The following ESR1 variants were observed in gnomAD, a reference collection of about 807,000 sequenced individuals.
The protein encoded by ESR1 is estrogen receptor.
Under a neutral mutation model 52.7 loss-of-function variants are expected in ESR1, and 12 were observed. The ratio of observed to expected loss-of-function variants is 0.23; its 90% CI spans 0.15 to 0.37. The LOEUF is 0.37. Ranked by LOEUF, ESR1 falls within the 10% of genes least tolerant of loss-of-function variation. ESR1 has a pLI of 1.00. For synonymous variants in ESR1, 305 were observed against 316.8 expected (o/e 0.96, Z 0.39); for missense variants, 584 against 779.7 (o/e 0.75, Z 2.99).
chr6:151,957,457 G>A (rs1218522856), intron 4 of ESR1, among the ~76,000 whole-genome samples: 1 of 152,022 alleles, frequency 6.6e-6, no homozygotes, highest in Non-Finnish European at 1.5e-5. Context: ...TTTGTGATCT[G>A]CCTCCATGCT....
rs116336128 is a variant in ESR1, at chr6:151,753,191, C to T, written c.-71+51186C>T. 7.6e-3 allele frequency among the ~76,000 whole-genome samples: 1,153 copies of T among 152,254 alleles called. 14 individuals are homozygous for T. The highest frequency in any genetic ancestry group is 0.018 in the East Asian group (92 of 5,180). On this transcript the variant is annotated intron_variant, in intron 2 of 2. Coordinates refer to the ESR1 transcript ENST00000404742. Reference sequence around the variant, plus strand: ...GATTATGGTATCCTGCCAAAAAGATCCTACAAACTGTCACTATTTTGGTTT... The same window carrying T: ...GATTATGGTATCCTGCCAAAAAGATTCTACAAACTGTCACTATTTTGGTTT...
intron 7 of ESR1, chr6:152,096,559 G>A: frequency 4.5e-6 from 2 of 446,452 alleles, no homozygotes; most frequent in South Asian, 1.6e-5. Context: ...AAGAAATGAG[G>A]GAATGAATGG....
intron 2 of ESR1, among the ~76,000 whole-genome samples, chr6:151,746,121 A>G (rs558046135): frequency 6.6e-6 from 1 of 152,298 alleles, no homozygotes; most frequent in Admixed American, 6.5e-5. Context: ...CTGTTGGTAG[A>G]CATTTGTGTT....
chr6:151,673,106 A>G (rs924319422), intron 1 of ESR1, among the ~76,000 whole-genome samples: 22 of 151,996 alleles, frequency 1.4e-4, no homozygotes, highest in Non-Finnish European at 2.9e-5. Flanking sequence ...GATTACAGGC[A>G]TGAGCCACGG....
At chr6:152,047,956 ATTTTTTTTTT>A (rs71017517) in intron 5 of ESR1, among the ~76,000 whole-genome samples, 16 of 67,776 alleles carry the variant, frequency 2.4e-4, no homozygotes, top group Non-Finnish European at 3.1e-4. Flanking sequence ...CTCCTCAAGC[ATTTTTTTTTT>A]TTTTTTTTTT....
chr6:152,092,091 C>T (rs1316042390), intron 6 of ESR1, among the ~76,000 whole-genome samples: 1 of 152,162 alleles, frequency 6.6e-6, no homozygotes, highest in Non-Finnish European at 1.5e-5. Context: ...CCAGCTCACA[C>T]CCTCTGCTAT....
chr6:151,715,888 T>C lies in ESR1; in HGVS notation c.-71+13883T>C, dbSNP rs111993351. Among the ~76,000 whole-genome samples the C allele has an allele frequency of 9.0e-3, 1,373 of 152,168 alleles. 14 individuals carry two copies. Among genetic ancestry groups the C allele is most frequent in the Non-Finnish European group, 0.014 (939 of 67,994 alleles). ...ATTTTGTTCCCTTGCTGGCAAGGAG[T>C]TGTGATCCTTTGGAGGAGAAGAGGT... is the stretch of plus-strand genomic sequence containing the variant. On this transcript the variant is annotated intron_variant, in intron 2 of 2. Coordinates refer to the ESR1 transcript ENST00000404742.
At chr6:151,765,552 T>C (rs1784984408) in intron 2 of ESR1, among the ~76,000 whole-genome samples, 1 of 152,198 alleles carries the variant, frequency 6.6e-6, no homozygotes, top group Non-Finnish European at 1.5e-5. Context: ...TTTTTTTTCC[T>C]ATAGCTAATT....
intron 2 of ESR1, among the ~76,000 whole-genome samples, chr6:151,844,602 G>A (rs527513902): frequency 6.6e-6 from 1 of 152,328 alleles, no homozygotes; most frequent in African/African-American, 2.4e-5. Flanking sequence ...ACATGGAAGT[G>A]ATTATGTGCT....
chr6:151,760,982 C>A (rs973303002), intron 2 of ESR1, among the ~76,000 whole-genome samples: 11 of 152,108 alleles, frequency 7.2e-5, no homozygotes, highest in Admixed American at 7.2e-4. Context: ...TTTCAGTACA[C>A]ATTTCATGGA....
chr6:151,830,119 T>C (rs894626045), intron 1 of ESR1, among the ~76,000 whole-genome samples: 1 of 152,124 alleles, frequency 6.6e-6, no homozygotes, highest in East Asian at 1.9e-4. Context: ...TGTAAGCAGG[T>C]GGGTTTTCAT....
upstream of ESR1, chr6:151,805,640 G>A (rs931807551): frequency 6.6e-6 from 1 of 152,628 alleles, no homozygotes; most frequent in Non-Finnish European, 1.5e-5. Context: ...CCTGCCTACT[G>A]GCTGCTTCCC....
chr6:151,777,112 T>C (rs567568102), intron 2 of ESR1, among the ~76,000 whole-genome samples: 3 of 145,210 alleles, frequency 2.1e-5, no homozygotes, highest in Admixed American at 6.7e-5. Context: ...TCTTTTCTTT[T>C]CTTTTCTTTT....
intron 1 of ESR1, among the ~76,000 whole-genome samples, chr6:151,663,072 G>A (rs2115208104): frequency 6.6e-6 from 1 of 152,280 alleles, no homozygotes; most frequent in East Asian, 1.9e-4. Context: ...CTTGTAAGGT[G>A]GGATTTGGCT....
intron 2 of ESR1, among the ~76,000 whole-genome samples, chr6:151,784,877 A>G (rs1786874184): frequency 6.6e-6 from 1 of 152,204 alleles, no homozygotes; most frequent in Non-Finnish European, 1.5e-5. Context: ...GCAAGTCTGA[A>G]ATTTGTAGAG....
At chr6:151,943,420 C>A (rs1365057532) in intron 3 of ESR1, among the ~76,000 whole-genome samples, 1 of 150,406 alleles carries the variant, frequency 6.6e-6, no homozygotes, top group African/African-American at 2.4e-5. Flanking sequence ...AAAAAAACCA[C>A]CTTTGGGGGG....
intron 3 of ESR1, among the ~76,000 whole-genome samples, chr6:151,904,678 G>A (rs1173395341): frequency 1.3e-5 from 2 of 152,094 alleles, no homozygotes; most frequent in African/African-American, 4.8e-5. Context: ...ATTTAAAAAT[G>A]TGCTAAGCAT....
At chr6:152,056,533 A>G (rs1167597908) in intron 5 of ESR1, among the ~76,000 whole-genome samples, 1 of 152,206 alleles carries the variant, frequency 6.6e-6, no homozygotes, top group African/African-American at 2.4e-5. Flanking sequence ...TCTTTATTTT[A>G]CATGTGGAGG....
At chr6:151,700,803 T>C (rs1018221448) in intron 1 of ESR1, among the ~76,000 whole-genome samples, 4 of 152,132 alleles carry the variant, frequency 2.6e-5, no homozygotes, top group Admixed American at 6.5e-5. Context: ...AACAAGTTTT[T>C]TTCCCCCACT....
Sources: allele counts gnomAD v4.1 joint callset (sites outside exome capture counted in the v4.1 genomes callset), GRCh38; gene constraint gnomAD v4.1.1; transcripts MANE v1.5; gene names NCBI Gene and HGNC (gene_info 2026-07-23, HGNC 2026-07-21).